Variants in CDH20 observed in about 807,000 individuals in gnomAD.
CDH20 encodes the protein cadherin 20, also known as cadherin-20.
Under a neutral mutation model 74.2 loss-of-function variants are expected in CDH20, and 29 were observed. The observed-to-expected ratio is 0.39, with a 90% CI of 0.29 to 0.53. The LOEUF is 0.53. CDH20 is among the 20% of genes least tolerant of loss of function. The probability of loss-of-function intolerance (pLI) is 0.69; values close to 1 mark genes in which losing one functional copy is unlikely to be tolerated. For synonymous variants in CDH20, 469 were observed against 405.4 expected, an observed-to-expected ratio of 1.16 and a Z score of -1.88; for missense variants, 988 against 1,048.3, an observed-to-expected ratio of 0.94 and a Z score of 0.79.
chr18:61,542,849 G>C (rs1011751655), intron 9 of CDH20, among the ~76,000 whole-genome samples: 8 of 152,192 alleles, frequency 5.3e-5, no homozygotes, highest in African/African-American at 1.9e-4. Context: ...AAGGTGCCAG[G>C]CTCTTTTTAA....
chr18:61,343,249 T>TA (rs1280394148), intron 1 of CDH20, among the ~76,000 whole-genome samples: 2 of 152,246 alleles, frequency 1.3e-5, no homozygotes, highest in Admixed American at 1.3e-4. Flanking sequence ...ATTTGCAATG[T>TA]ATTACATTTT....
intron 4 of CDH20, 130 bp downstream of exon 4, chr18:61,500,632 C>A: frequency 1.0e-6 from 1 of 958,554 alleles, no homozygotes; most frequent in South Asian, 2.4e-5. Flanking sequence ...CTGCTCTTAG[C>A]TTTAGGATTA....
chr18:61,493,372 C>T (rs1911027479), intron 2 of CDH20, among the ~76,000 whole-genome samples: 1 of 152,168 alleles, frequency 6.6e-6, no homozygotes, highest in South Asian at 2.1e-4. Context: ...ATGCTCAGCG[C>T]ATTCCTCTCC....
At chr18:61,543,798 T>A (rs1392707265) in intron 9 of CDH20, among the ~76,000 whole-genome samples, 1 of 152,182 alleles carries the variant, frequency 6.6e-6, no homozygotes, top group Non-Finnish European at 1.5e-5. Context: ...GTCACTCACT[T>A]CTCTTCAGGT....
chr18:61,420,928 G>C (rs1310452767), intron 1 of CDH20, among the ~76,000 whole-genome samples: 1 of 152,132 alleles, frequency 6.6e-6, no homozygotes, highest in Non-Finnish European at 1.5e-5. Context: ...TGGCGTGCCT[G>C]TAATCCCAGC....
chr18:61,349,184 T>C (rs1910225405), intron 1 of CDH20, among the ~76,000 whole-genome samples: 1 of 152,184 alleles, frequency 6.6e-6, no homozygotes. Flanking sequence ...AAAACTGTTC[T>C]GTGTGCCCTA....
rs532572760 is a variant in CDH20 at position 61,452,829 on chromosome 18, C to T, written c.-152-37573C>T. On this transcript the variant is annotated intron_variant, in intron 1 of 11. Coordinates refer to ENST00000262717, the MANE Select transcript of CDH20 (RefSeq NM_031891.4). The stretch of plus-strand genomic sequence containing the variant: ...CCACAACTGTTTTACATTCTCCTTC[C>T]CTCTCCTATTTGATATTTTTATTGC... Among the ~76,000 whole-genome samples the T allele has an allele frequency of 2.0e-5, 3 of 152,216 alleles. No individual in the cohort carries two copies. The South Asian group carries it at 6.2e-4, about 32-fold the overall frequency.
At chr18:61,436,989 A>C (rs1052752558) in intron 1 of CDH20, among the ~76,000 whole-genome samples, 4 of 152,184 alleles carry the variant, frequency 2.6e-5, no homozygotes, top group African/African-American at 7.2e-5. Context: ...CTATATCATA[A>C]AGTTAACATG....
intron 1 of CDH20, among the ~76,000 whole-genome samples, chr18:61,473,092 C>T (rs751748086): frequency 6.6e-6 from 1 of 152,210 alleles, no homozygotes; most frequent in Non-Finnish European, 1.5e-5. Flanking sequence ...AGGATTCTAT[C>T]ATAGGGCATA....
chr18:61,508,630 A>G (rs982728652), intron 6 of CDH20, among the ~76,000 whole-genome samples: 2 of 151,736 alleles, frequency 1.3e-5, no homozygotes, highest in Non-Finnish European at 2.9e-5. Flanking sequence ...GACTATTATT[A>G]TTATTATTAT....
intron 1 of CDH20, among the ~76,000 whole-genome samples, chr18:61,411,130 C>T (rs970688979): frequency 1.5e-4 from 23 of 150,650 alleles, no homozygotes; most frequent in African/African-American, 4.9e-4. Flanking sequence ...AACCGGAAGG[C>T]AGAGCTTGCA....
chr18:61,473,619 T>A (rs1910264470), intron 1 of CDH20, among the ~76,000 whole-genome samples: 1 of 152,256 alleles, frequency 6.6e-6, no homozygotes, highest in Non-Finnish European at 1.5e-5. Context: ...ACAGCAATTT[T>A]AACTGGTAAT....
intron 1 of CDH20, among the ~76,000 whole-genome samples, chr18:61,404,231 T>C (rs1912250309): frequency 6.6e-6 from 1 of 152,068 alleles, no homozygotes; most frequent in Non-Finnish European, 1.5e-5. Flanking sequence ...TAAAATTCAA[T>C]TGAAAAAATA....
chr18:61,337,608 C>T (rs1280391996), intron 1 of CDH20, among the ~76,000 whole-genome samples: 1 of 152,066 alleles, frequency 6.6e-6, no homozygotes, highest in African/African-American at 2.4e-5. Flanking sequence ...ACCAAGAAAA[C>T]ATATTTTATG....
chr18:61,373,100 C>A (rs1349379049), intron 1 of CDH20, among the ~76,000 whole-genome samples: 1 of 151,830 alleles, frequency 6.6e-6, no homozygotes, highest in Admixed American at 6.6e-5. Context: ...CTCAGTTTTG[C>A]CTTTCGTTTT....
chr18:61,366,474 T>C (rs1261234964), intron 1 of CDH20, among the ~76,000 whole-genome samples: 1 of 152,186 alleles, frequency 6.6e-6, no homozygotes, highest in Non-Finnish European at 1.5e-5. Flanking sequence ...ATCTCCAAGA[T>C]ATACACTAAA....
chr18:61,543,391 T>C (rs1913109834), intron 9 of CDH20, among the ~76,000 whole-genome samples: 1 of 152,182 alleles, frequency 6.6e-6, no homozygotes, highest in African/African-American at 2.4e-5. Context: ...TCTGTGCTGT[T>C]GCTTGGTAGA....
intron 1 of CDH20, among the ~76,000 whole-genome samples, chr18:61,381,491 C>T (rs1911430649): frequency 6.6e-6 from 1 of 152,164 alleles, no homozygotes; most frequent in African/African-American, 2.4e-5. Flanking sequence ...TCTTGCTCTC[C>T]TATCCTACCT....
intron 6 of CDH20, among the ~76,000 whole-genome samples, chr18:61,509,838 A>G (rs907823995): frequency 5.9e-5 from 9 of 152,174 alleles, no homozygotes; most frequent in African/African-American, 1.7e-4. Flanking sequence ...AGAAGTGGTC[A>G]GAATCTGTAC....
Sources: gnomAD v4.1 joint callset for allele counts (sites outside exome capture counted in the v4.1 genomes callset) on GRCh38, gnomAD v4.1.1 for gene constraint, MANE v1.5 for transcripts, NCBI Gene and HGNC (gene_info 2026-07-23, HGNC 2026-07-21) for gene names.